ATE1: variants seen among roughly 807,000 people sequenced by gnomAD.
ATE1 encodes arginyltransferase 1.
A neutral mutation model predicts 70.5 loss-of-function variants in ATE1; 36 were observed. That is an observed-to-expected ratio of 0.51 (90% CI 0.39 to 0.67). The LOEUF (loss-of-function observed/expected upper bound fraction) is 0.67, where lower values mean the gene tolerates loss of function less well. Among genes scored for constraint, ATE1 ranks in the 30% least tolerant of loss-of-function variants. The pLI is 0.00. For synonymous variants in ATE1, 232 were observed against 219.3 expected, an observed-to-expected ratio of 1.06 and a Z score of -0.51; for missense variants, 593 against 629.5, an observed-to-expected ratio of 0.94 and a Z score of 0.62.
chr10:121,745,717 A>T (rs140051337), intron 11 of ATE1, among the ~76,000 whole-genome samples: 1 of 131,946 alleles, frequency 7.6e-6, no homozygotes, highest in Admixed American at 8.0e-5. Flanking sequence ...ACAGAGCAAG[A>T]CTCTGTCTCA....
chr10:121,761,930 T>G (rs561704187), intron 11 of ATE1, among the ~76,000 whole-genome samples: 3 of 152,296 alleles, frequency 2.0e-5, no homozygotes, highest in Admixed American at 2.0e-4. Flanking sequence ...TCCAGTTATC[T>G]TAATTCTATT....
At chr10:121,875,193 T>C (rs915789869) in intron 7 of ATE1, among the ~76,000 whole-genome samples, 22 of 150,476 alleles carry the variant, frequency 1.5e-4, no homozygotes, top group Admixed American at 1.5e-3. Context: ...CCAATATAGT[T>C]AAACCTTTGT....
At chr10:121,838,665 C>A (rs1948519028) in intron 9 of ATE1, among the ~76,000 whole-genome samples, 1 of 152,142 alleles carries the variant, frequency 6.6e-6, no homozygotes, top group Admixed American at 6.5e-5. Flanking sequence ...ATTAAGTTGT[C>A]TGTTTTATTA....
At chr10:121,927,438 AC>A in intron 1 of ATE1, 1 of 983,726 alleles carries the variant, frequency 1.0e-6, no homozygotes, top group Admixed American at 6.2e-5. Context: ...CTGTGTGCAC[AC>A]CCACAGCTCC....
At chr10:121,923,773 C>T (rs1364331150) in intron 2 of ATE1, among the ~76,000 whole-genome samples, 1 of 152,092 alleles carries the variant, frequency 6.6e-6, no homozygotes, top group Non-Finnish European at 1.5e-5. Flanking sequence ...TTAAAGAAGA[C>T]ATTTTTGAGA....
At chr10:121,757,828 G>A (rs12354464) in intron 11 of ATE1, among the ~76,000 whole-genome samples, 32,857 of 152,148 alleles carry the variant, frequency 0.22, 4,700 homozygotes, top group Non-Finnish European at 0.32. Flanking sequence ...ATACAAAAAT[G>A]CTAGTGCTAA....
intron 7 of ATE1, among the ~76,000 whole-genome samples, chr10:121,886,784 C>T (rs1481220777): frequency 2.6e-5 from 4 of 152,110 alleles, no homozygotes; most frequent in African/African-American, 7.2e-5. Flanking sequence ...TATGTCATTT[C>T]ACCTATGACC....
chr10:121,790,966 G>GTGTA lies in ATE1; in HGVS notation c.1258-678_1258-677insTACA, dbSNP rs1236725145. Reference sequence around the variant, plus strand: ...CATATATATGTGTATATATATATGTGTGTGTACATATATGTGTGTATACAT... The same window carrying GTGTA: ...CATATATATGTGTATATATATATGTGTGTATGTGTACATATATGTGTGTATACAT... On this transcript the variant is annotated intron_variant, in intron 10 of 11. Coordinates refer to ENST00000224652, the MANE Select transcript of ATE1 (RefSeq NM_001001976.3). Among the ~76,000 whole-genome samples the GTGTA allele has an allele frequency of 2.9e-4, 43 of 150,604 alleles. 1 individual carries two copies. In the East Asian group the frequency reaches 6.4e-3, roughly 23 times the overall value.
intron 10 of ATE1, among the ~76,000 whole-genome samples, chr10:121,835,267 C>G (rs1948390696): frequency 2.0e-5 from 3 of 152,070 alleles, no homozygotes; most frequent in Non-Finnish European, 4.4e-5. Flanking sequence ...ACACCTTGAT[C>G]AGCTTACCTG....
At chr10:121,837,261 C>A (rs1239744997) in intron 9 of ATE1, among the ~76,000 whole-genome samples, 5 of 152,206 alleles carry the variant, frequency 3.3e-5, no homozygotes, top group Non-Finnish European at 5.9e-5. Flanking sequence ...CTTTCAGCTG[C>A]ATATGACATC....
chr10:121,866,739 T>C (rs998350114), intron 8 of ATE1, among the ~76,000 whole-genome samples: 1 of 149,256 alleles, frequency 6.7e-6, no homozygotes, highest in African/African-American at 2.5e-5. Context: ...CCCAGCTACT[T>C]GGGGGGCTAA....
rs148344983 is a variant in ATE1 at position 121,798,266 on chromosome 10, A to G, written c.1258-7977T>C. On this transcript the variant is annotated intron_variant, in intron 10 of 11. Coordinates refer to ENST00000224652, the MANE Select transcript of ATE1 (RefSeq NM_001001976.3). ...CAAGGACATAATCAAGACAGGGGCT[A>G]TAAGAGTTACTGAAATTAAAAAGGG... is the stretch of plus-strand genomic sequence containing the variant. 3.9e-5 allele frequency among the ~76,000 whole-genome samples: 6 copies of G among 152,380 alleles called. No individual in the cohort carries two copies. In the South Asian group the frequency reaches 6.2e-4, roughly 16 times the overall value.
chr10:121,869,337 TC>T (rs1949771493), intron 8 of ATE1, among the ~76,000 whole-genome samples: 1 of 152,200 alleles, frequency 6.6e-6, no homozygotes, highest in Admixed American at 6.5e-5. Context: ...TTTCTCTACT[TC>T]CTTTTCCAAG....
chr10:121,819,505 C>A lies in ATE1; in HGVS notation c.1257+17213G>T, dbSNP rs527720426. Among the ~76,000 whole-genome samples the A allele has an allele frequency of 1.1e-4, 16 of 151,676 alleles. No individual in the cohort carries two copies. The East Asian group carries it at 2.7e-3, about 26-fold the overall frequency. ...GGATCATGAGGTCAGGAGATCGAGA[C>A]CATCCTGGCTAACATGGTGAAACCC... On this transcript the variant is annotated intron_variant, in intron 10 of 11. Transcript: ENST00000224652.
At chr10:121,826,078 T>C (rs951490571) in intron 10 of ATE1, among the ~76,000 whole-genome samples, 1 of 152,184 alleles carries the variant, frequency 6.6e-6, no homozygotes, top group African/African-American at 2.4e-5. Flanking sequence ...GAAAGACAAA[T>C]GCTATGATTC....
At chr10:121,897,380 C>A (rs1950819769) in intron 7 of ATE1, among the ~76,000 whole-genome samples, 1 of 152,182 alleles carries the variant, frequency 6.6e-6, no homozygotes, top group African/African-American at 2.4e-5. Flanking sequence ...AGCAAAAAGA[C>A]CCCCTGAGAA....
At chr10:121,885,952 A>C (rs886248328) in intron 7 of ATE1, among the ~76,000 whole-genome samples, 1 of 151,990 alleles carries the variant, frequency 6.6e-6, no homozygotes, top group Non-Finnish European at 1.5e-5. Flanking sequence ...AAATGTTCGG[A>C]TCTTACTATC....
Position 121,839,269 on chromosome 10 carries a change from T to A in ATE1, c.1157+1813A>T, listed in dbSNP as rs531720162. On this transcript the variant is annotated intron_variant, in intron 9 of 11. Coordinates refer to ENST00000224652, the MANE Select transcript of ATE1 (RefSeq NM_001001976.3). The stretch of plus-strand genomic sequence containing the variant: ...AACTCTTGCTAATTTTGCTGGGAAT[T>A]AATTATTTACCATATCAATATCTAA... Among the ~76,000 whole-genome samples, 22 of 152,326 alleles carry A rather than the reference T, an allele frequency of 1.4e-4. No individual in the cohort carries two copies. The South Asian group carries it at 4.6e-3, about 32-fold the overall frequency.
At chr10:121,812,082 T>C (rs931539601) in intron 10 of ATE1, among the ~76,000 whole-genome samples, 1 of 150,682 alleles carries the variant, frequency 6.6e-6, no homozygotes, top group African/African-American at 2.4e-5. Flanking sequence ...TAGCCTCCCA[T>C]GTAGCTGGGA....
Sources: allele counts gnomAD v4.1 joint callset (sites outside exome capture counted in the v4.1 genomes callset), GRCh38; gene constraint gnomAD v4.1.1; transcripts MANE v1.5; gene names NCBI Gene and HGNC (gene_info 2026-07-23, HGNC 2026-07-21).